GTF3C3: variants seen among roughly 807,000 people sequenced by gnomAD.
GTF3C3 encodes general transcription factor 3C polypeptide 3.
Under a neutral mutation model 105.2 loss-of-function variants are expected in GTF3C3, and 75 were observed. The ratio of observed to expected loss-of-function variants is 0.71; its 90% CI spans 0.59 to 0.86. GTF3C3 has a LOEUF of 0.86. GTF3C3 is among the 40% of genes least tolerant of loss of function. The probability of loss-of-function intolerance (pLI) is 0.00; values close to 1 mark genes in which losing one functional copy is unlikely to be tolerated. For synonymous variants in GTF3C3, 335 were observed against 370.4 expected, an observed-to-expected ratio of 0.90 and a Z score of 1.10; for missense variants, 856 against 1,076.5, an observed-to-expected ratio of 0.80 and a Z score of 2.87.
chr2:196,771,709 CTATT>C (rs1282197166), intron 15 of GTF3C3, 35 bp downstream of exon 15: 3 of 1,419,412 alleles, frequency 2.1e-6, no homozygotes, highest in East Asian at 2.3e-5. Context: ...CTTCACCACA[CTATT>C]TATGCTTGAC....
At chr2:196,769,565 G>T (rs1699133585) in intron 16 of GTF3C3, among the ~76,000 whole-genome samples, 1 of 152,052 alleles carries the variant, frequency 6.6e-6, no homozygotes, top group South Asian at 2.1e-4. Context: ...TCATATTATT[G>T]TATAATTTTT....
intron 9 of GTF3C3, 62 bp from the exon 10 acceptor site, chr2:196,779,129 G>C: frequency 7.6e-6 from 9 of 1,187,044 alleles, no homozygotes; most frequent in Non-Finnish European, 1.1e-5. Context: ...TCTATCTATA[G>C]CTTTTTTTTT....
At chr2:196,789,074 A>C (rs1292580231) in intron 6 of GTF3C3, 130 bp downstream of exon 6, 7 of 757,254 alleles carry the variant, frequency 9.2e-6, no homozygotes, top group Non-Finnish European at 1.5e-5. Context: ...TCAATAAACA[A>C]AACAATAAAA....
chr2:196,768,579 A>G (rs1360911148), intron 16 of GTF3C3, among the ~76,000 whole-genome samples: 2 of 152,168 alleles, frequency 1.3e-5, no homozygotes, highest in African/African-American at 4.8e-5. Flanking sequence ...AAGAAAAATA[A>G]GAGAAATTAA....
intron 9 of GTF3C3, among the ~76,000 whole-genome samples, chr2:196,779,701 T>C (rs1162047791): frequency 6.6e-6 from 1 of 152,132 alleles, no homozygotes; most frequent in East Asian, 1.9e-4. Flanking sequence ...CTTCCTCACC[T>C]CCTTCAGGTC....
chr2:196,776,147 G>C lies in GTF3C3; in HGVS notation c.1594-36C>G. The stretch of plus-strand genomic sequence containing the variant: ...AAGCACATGATGATGAGCCTAACAA[G>C]ATTCCTTTTCTACAAATTGTTTTAT... On this transcript the variant is annotated intron_variant, in intron 11 of 17. Transcript: ENST00000263956. The surrounding 1 kb of genome is among the most constrained non-coding windows in gnomAD (Gnocchi z 4.5). 9.3e-7 allele frequency: 1 copy of C among 1,076,728 alleles called. No individual in the cohort carries two copies. Among genetic ancestry groups the C allele is most frequent in the Non-Finnish European group, 1.4e-6 (1 of 724,960 alleles). The allele number at this position is 1,076,728 out of a possible 1,614,324, so 66.7% of individuals were successfully genotyped here. A position where few individuals can be genotyped will look rare whatever the true frequency, so the allele number is the denominator to read the frequency against.
chr2:196,793,929 T>C (rs1699595205), intron 2 of GTF3C3, among the ~76,000 whole-genome samples: 1 of 152,168 alleles, frequency 6.6e-6, no homozygotes, highest in Admixed American at 6.5e-5. Context: ...GACATTGCTA[T>C]GGTTTGAATA....
Position 196,785,474 on chromosome 2 carries a change from A to G in GTF3C3, c.1008T>C (p.Tyr336=). ...MEDVNIAAEL[Y]ISNKQYDKAL... ...CTTTGTCATACTGTTTGTTAGAAAT[A>G]TATAGTTCAGCTGCTATGTTAACAT... is the stretch of plus-strand genomic sequence containing the variant. The change falls in exon 7 of 18, where the codon TAT becomes TAC. Residue 336 remains tyrosine, a synonymous_variant. Transcript: ENST00000263956. The G allele has an allele frequency of 6.2e-7, 1 of 1,610,570 alleles. No individual in the cohort carries two copies. The highest frequency in any genetic ancestry group is 8.5e-7 in the Non-Finnish European group (1 of 1,177,838).
rs35643383 is a variant in GTF3C3, at chr2:196,785,590, T to TA, written c.894-3dup. 1.5e-4 allele frequency: 233 copies of TA among 1,583,396 alleles called. No homozygotes were observed. Among genetic ancestry groups the TA allele is most frequent in the Non-Finnish European group, 1.7e-4 (199 of 1,158,804 alleles). ...ACATCATTGGCTTCATAGTAACTCCTAAAAAAAAGTGGCAAAATGGATGAA... is the reference window on the plus strand; with the variant it reads ...ACATCATTGGCTTCATAGTAACTCCTAAAAAAAAAGTGGCAAAATGGATGAA... On this transcript the variant is annotated splice_polypyrimidine_tract_variant and splice_region_variant and intron_variant, in intron 6 of 17. Coordinates refer to ENST00000263956, the MANE Select transcript of GTF3C3 (RefSeq NM_012086.5).
rs1383162588 is a variant in GTF3C3, at chr2:196,763,339, G to A, written c.*1224C>T. 1 of 152,130 alleles carries A rather than the reference G, an allele frequency of 6.6e-6. No individual in the cohort carries two copies. Among genetic ancestry groups the A allele is most frequent in the Non-Finnish European group, 1.5e-5 (1 of 68,036 alleles). The allele number at this position is 152,130 out of a possible 1,614,324, so 9.4% of individuals were successfully genotyped here. A position where few individuals can be genotyped will look rare whatever the true frequency, so the allele number is the denominator to read the frequency against. On this transcript the variant is annotated 3_prime_UTR_variant, in exon 18 of 18. Transcript: ENST00000263956. ...ATTTAAGAGAGAAACTCGGAGCACA[G>A]AATGCTCAGTTCCACAGAATTCCAA...
chr2:196,799,606 T>A lies in GTF3C3; in HGVS notation c.6A>T (p.Ser2=). 1 of 1,611,962 alleles carries A rather than the reference T, an allele frequency of 6.2e-7. No individual in the cohort carries two copies. Residue 2 remains serine, a synonymous_variant, in exon 1 of 18, where the codon TCA becomes TCT. Transcript: ENST00000263956. The part of the protein sequence containing the change: M[S]GFSPELIDYL... The stretch of plus-strand genomic sequence containing the variant: ...AGTCGATGAGTTCCGGACTGAACCC[T>A]GACATGTTTACAGGGTCTGTCTGTG...
intron 16 of GTF3C3, among the ~76,000 whole-genome samples, chr2:196,768,294 C>T (rs1400927531): frequency 6.6e-6 from 1 of 152,200 alleles, no homozygotes; most frequent in Non-Finnish European, 1.5e-5. Context: ...GCAGGGATTA[C>T]AGGTGTAAGC....
chr2:196,785,078 C>A (rs1227743419), intron 7 of GTF3C3, 149 bp from the exon 8 acceptor site: 6 of 614,244 alleles, frequency 9.8e-6, no homozygotes, highest in Non-Finnish European at 1.1e-5. Context: ...AACCCTGTGA[C>A]ACATTAACAT....
intron 9 of GTF3C3, chr2:196,779,953 T>C (rs1699318310): frequency 1.3e-5 from 2 of 152,662 alleles, no homozygotes; most frequent in Admixed American, 1.3e-4. Flanking sequence ...AGTGCTGGGA[T>C]TATAAGTGTG....
intron 6 of GTF3C3, among the ~76,000 whole-genome samples, chr2:196,785,810 C>T (rs1447800086): frequency 6.6e-6 from 1 of 152,096 alleles, no homozygotes. Flanking sequence ...CAAATGCTAC[C>T]TCCTATCATT....
chr2:196,792,953 T>C lies in GTF3C3; in HGVS notation c.411+3A>G, dbSNP rs756792502. ...ATAAATACCAAAATAAGTAAAAATT[T>C]ACTTTCATCATTTTCTTGGTTTCAC... On this transcript the variant is annotated splice_donor_region_variant and intron_variant, in intron 3 of 17. Transcript: ENST00000263956. 1.2e-5 allele frequency: 19 copies of C among 1,596,750 alleles called. No individual in the cohort carries two copies. The highest frequency in any genetic ancestry group is 1.8e-4 in the Middle Eastern group (1 of 5,468).
intron 15 of GTF3C3, among the ~76,000 whole-genome samples, chr2:196,771,123 T>C (rs1699167478): frequency 6.6e-6 from 1 of 152,212 alleles, no homozygotes; most frequent in African/African-American, 2.4e-5. Flanking sequence ...TTTAATTTTT[T>C]TTTAAAAGGA....
chr2:196,785,454 T>C lies in GTF3C3; in HGVS notation c.1028A>G (p.Asp343Gly), dbSNP rs148248571. 9 of 1,605,308 alleles carry C rather than the reference T, an allele frequency of 5.6e-6. No individual in the cohort carries two copies. In the East Asian group the frequency reaches 8.9e-5, roughly 16 times the overall value. Reference sequence around the variant, plus strand: ...AAGCATTCCTACCTCCAAAGCTTTGTCATACTGTTTGTTAGAAATATATAG... The same window carrying C: ...AAGCATTCCTACCTCCAAAGCTTTGCCATACTGTTTGTTAGAAATATATAG... ...AELYISNKQY[D>G]KALEIITDFS... The change falls in exon 7 of 18, where the codon GAC becomes GGC. Residue 343 changes from aspartate to glycine, a missense_variant. Transcript: ENST00000263956.
chr2:196,795,479 A>G (rs1168742371), intron 2 of GTF3C3, among the ~76,000 whole-genome samples: 1 of 152,250 alleles, frequency 6.6e-6, no homozygotes, highest in Non-Finnish European at 1.5e-5. Flanking sequence ...CATATTCAAG[A>G]ATTCTGAACA....
Sources: gnomAD v4.1 joint callset for allele counts (sites outside exome capture counted in the v4.1 genomes callset) on GRCh38, gnomAD v4.1.1 for gene constraint, Gnocchi (gnomAD v3.1) non-coding constraint, MANE v1.5 for transcripts, NCBI Gene and HGNC (gene_info 2026-07-23, HGNC 2026-07-21) for gene names.